GSE1: variants seen among roughly 807,000 people sequenced by gnomAD.
The protein encoded by GSE1 is genetic suppressor element 1.
Under a neutral mutation model 112.6 loss-of-function variants are expected in GSE1, and 32 were observed. That is an observed-to-expected ratio of 0.28 (90% confidence interval 0.21 to 0.38). GSE1 has a LOEUF of 0.38. Ranked by LOEUF, GSE1 falls within the 10% of genes least tolerant of loss-of-function variation. GSE1 has a pLI of 1.00. For missense variants in GSE1, 2,348 were observed against 1,699.2 expected, an observed-to-expected ratio of 1.38 and a Z score of -6.71; for synonymous variants, 1,115 against 735.6, an observed-to-expected ratio of 1.52 and a Z score of -8.35.
At chr16:85,633,591 G>A (rs2049732261) in intron 1 of GSE1, among the ~76,000 whole-genome samples, 2 of 152,206 alleles carry the variant, frequency 1.3e-5, no homozygotes, top group African/African-American at 2.4e-5. Flanking sequence ...TCAGGGGCCT[G>A]TTGGGTGATG....
intron 1 of GSE1, among the ~76,000 whole-genome samples, chr16:85,207,484 G>A (rs1326428439): frequency 6.6e-6 from 1 of 152,244 alleles, no homozygotes; most frequent in East Asian, 1.9e-4. Context: ...GCCCAGCTGG[G>A]AGAGGCTGGC....
At chr16:85,305,465 TG>T (rs1262623837) in intron 1 of GSE1, among the ~76,000 whole-genome samples, 1 of 41,454 alleles carries the variant, frequency 2.4e-5, no homozygotes, top group Non-Finnish European at 3.9e-5. Flanking sequence ...AGTTTTTTGT[TG>T]TTTTTTTTTT....
intron 2 of GSE1, among the ~76,000 whole-genome samples, chr16:85,498,609 A>G (rs938489464): frequency 6.6e-6 from 1 of 152,222 alleles, no homozygotes; most frequent in African/African-American, 2.4e-5. Context: ...GTATATATGT[A>G]CATACCACAC....
At chr16:85,345,645 C>T (rs543489347) in intron 1 of GSE1, among the ~76,000 whole-genome samples, 5 of 152,314 alleles carry the variant, frequency 3.3e-5, no homozygotes, top group African/African-American at 9.6e-5. Flanking sequence ...TTCTCTCCAT[C>T]CTGTTCTTGT....
intron 2 of GSE1, among the ~76,000 whole-genome samples, chr16:85,404,600 G>A (rs1382690823): frequency 1.4e-3 from 63 of 46,182 alleles, no homozygotes; most frequent in Non-Finnish European, 2.1e-3. Context: ...CAGGCCCCCC[G>A]GATAATCCTC....
intron 1 of GSE1, among the ~76,000 whole-genome samples, chr16:85,564,351 TG>T (rs2045648560): frequency 1.3e-5 from 2 of 152,264 alleles, no homozygotes; most frequent in South Asian, 4.2e-4. Flanking sequence ...TGCCGGGAGC[TG>T]GGCATGGGGC....
At chr16:85,663,745 C>T in intron 11 of GSE1, 131 bp downstream of exon 11, 1 of 881,220 alleles carries the variant, frequency 1.1e-6, no homozygotes, top group South Asian at 1.7e-5. Flanking sequence ...CTTTACTCCT[C>T]CCGGCTCCCG....
At chr16:85,410,139 C>T (rs2048468529) in intron 2 of GSE1, among the ~76,000 whole-genome samples, 1 of 71,222 alleles carries the variant, frequency 1.4e-5, no homozygotes, top group African/African-American at 9.9e-5. Context: ...CAGGGTCCCT[C>T]TGATAATCCT....
chr16:85,517,428 G>A (rs372143030), intron 2 of GSE1, among the ~76,000 whole-genome samples: 4 of 152,302 alleles, frequency 2.6e-5, no homozygotes, highest in East Asian at 1.9e-4. Flanking sequence ...GCAGACTCCT[G>A]GAGACAGTAA....
At chr16:85,291,515 G>A (rs765719424) in intron 1 of GSE1, among the ~76,000 whole-genome samples, 26 of 152,324 alleles carry the variant, frequency 1.7e-4, no homozygotes, top group African/African-American at 5.3e-4. Context: ...CCATGGGGTC[G>A]AATAAAGGGC....
rs557853289 is a variant in GSE1 at position 85,633,533 on chromosome 16, C to G, written c.8-381C>G. Among the ~76,000 whole-genome samples, 7 of 152,312 alleles carry G rather than the reference C, an allele frequency of 4.6e-5. No individual in the cohort carries two copies. The East Asian group carries it at 1.4e-3, about 29-fold the overall frequency. On this transcript the variant is annotated intron_variant, in intron 1 of 15. Coordinates refer to ENST00000253458, the MANE Select transcript of GSE1 (RefSeq NM_014615.5). ...TTCTATCCTGAGGATGCGGGCCGCA[C>G]GCCTCCTCCGCCTGGGCCTCAGTCT...
At chr16:85,225,870 C>T (rs987751752) in intron 1 of GSE1, among the ~76,000 whole-genome samples, 9 of 152,188 alleles carry the variant, frequency 5.9e-5, no homozygotes, top group East Asian at 1.9e-4. Flanking sequence ...GCTGCTCCCA[C>T]ACAAGGTGCC....
chr16:85,480,373 G>A (rs1357636019), intron 2 of GSE1, among the ~76,000 whole-genome samples: 2 of 152,194 alleles, frequency 1.3e-5, no homozygotes, highest in Non-Finnish European at 2.9e-5. Context: ...CTGGCCTTGC[G>A]GCAGGGGGCG....
At chr16:85,585,033 G>A (rs1353648064) in intron 1 of GSE1, among the ~76,000 whole-genome samples, 6 of 152,182 alleles carry the variant, frequency 3.9e-5, no homozygotes, top group South Asian at 2.1e-4. Context: ...CAAATCCAGC[G>A]TATGGGGCAG....
chr16:85,382,216 C>A (rs2151623072), intron 2 of GSE1, among the ~76,000 whole-genome samples: 1 of 152,338 alleles, frequency 6.6e-6, no homozygotes, highest in East Asian at 1.9e-4. Flanking sequence ...GCTCATCTCC[C>A]CTGCCTGATC....
At chr16:85,348,760 G>T (rs575141746) in intron 1 of GSE1, among the ~76,000 whole-genome samples, 1 of 152,264 alleles carries the variant, frequency 6.6e-6, no homozygotes, top group South Asian at 2.1e-4. Context: ...CAGGAGACTC[G>T]GGCAGCTGCA....
chr16:85,349,560 G>A (rs932192682), intron 1 of GSE1, among the ~76,000 whole-genome samples: 2 of 152,040 alleles, frequency 1.3e-5, no homozygotes, highest in African/African-American at 2.4e-5. Flanking sequence ...TGGCCAGCCC[G>A]GGAGGTGCTC....
At chr16:85,420,878 C>T (rs2048826401) in intron 2 of GSE1, among the ~76,000 whole-genome samples, 1 of 152,108 alleles carries the variant, frequency 6.6e-6, no homozygotes, top group Admixed American at 6.5e-5. Context: ...CGGGGGCGCC[C>T]CTACCGGCTG....
At chr16:85,346,098 G>A (rs142252407) in intron 1 of GSE1, among the ~76,000 whole-genome samples, 2,228 of 151,784 alleles carry the variant, frequency 0.015, 23 homozygotes, top group Non-Finnish European at 0.025. Flanking sequence ...ATGGAGGGGC[G>A]GGCGGGTGGA....
Sources: gnomAD v4.1 joint callset for allele counts (sites outside exome capture counted in the v4.1 genomes callset) on GRCh38, gnomAD v4.1.1 for gene constraint, MANE v1.5 for transcripts, NCBI Gene and HGNC (gene_info 2026-07-23, HGNC 2026-07-21) for gene names.